The following SPO11 variants were observed in gnomAD, a reference collection of about 807,000 sequenced individuals.
SPO11 encodes the protein meiotic recombination protein SPO11.
SPO11 carries 49 observed loss-of-function variants against 51.6 expected under a neutral mutation model. The ratio of observed to expected loss-of-function variants is 0.95; its 90% CI spans 0.75 to 1.20. SPO11 has a LOEUF of 1.20. Ranked by LOEUF, SPO11 falls within the 50% of genes most tolerant of loss-of-function variation. The pLI is 0.00. For missense variants in SPO11, 431 were observed against 473.4 expected (o/e 0.91, Z 0.83); for synonymous variants, 176 against 158.2 (o/e 1.11, Z -0.84).
chr20:57,339,085 G>A (rs1238951694), intron 10 of SPO11, 59 bp downstream of exon 10: 1 of 1,189,724 alleles, frequency 8.4e-7, no homozygotes, highest in Non-Finnish European at 1.2e-6. Flanking sequence ...ATTCATTGAG[G>A]TGATTTCTGC....
At position 57,331,936 on chromosome 20, in the gene SPO11, G is replaced by C. The variant is rs532271092; in HGVS notation, c.235G>C (p.Glu79Gln). Residue 79 changes from glutamate to glutamine, a missense_variant, in exon 2 of 13, where the codon GAA (glutamate) becomes CAA (glutamine). Physicochemically the swap from Glu to Gln is conservative, Grantham distance 29. Around this residue, in one of 3 missense-constraint regions of SPO11, gnomAD observed 405 missense variants for 425.9 expected, o/e 0.95. Coordinates refer to ENST00000371263, the MANE Select transcript of SPO11 (RefSeq NM_012444.3). The part of the protein sequence containing the change: ...AFTIDNRSSW[E>Q]NIKFEDSVGL... ...CACGATAGACAACAGATCAAGCTGGGAAAACATAAAGTGGGCATTTTGCAT... is the reference window on the plus strand; with the variant it reads ...CACGATAGACAACAGATCAAGCTGGCAAAACATAAAGTGGGCATTTTGCAT... 6.3e-7 allele frequency: 1 copy of C among 1,579,892 alleles called. No individual in the cohort carries two copies. The highest frequency in any genetic ancestry group is 2.3e-5 in the East Asian group (1 of 43,898).
rs775018422 is a variant in SPO11, at chr20:57,335,906, C to T, written c.743C>T (p.Thr248Met). 9.5e-6 allele frequency: 15 copies of T among 1,572,702 alleles called. No individual in the cohort carries two copies. Among genetic ancestry groups the T allele is most frequent in the East Asian group, 6.7e-5 (3 of 44,698 alleles). The change falls in exon 8 of 13, where the codon ACG (threonine) becomes ATG (methionine). Residue 248 changes from threonine to methionine, a missense_variant and splice_region_variant. Thr to Met is a moderately conservative substitution (Grantham distance 81). Transcript: ENST00000371263. ...CNKLSPCIMI[T>M]GKGVPDLNTR... ...AAATTGTCTCCTTGCATCATGATTA[C>T]GGTATATTATCTAACTTTACTACAA...
intron 11 of SPO11, among the ~76,000 whole-genome samples, chr20:57,341,332 G>A (rs1005678890): frequency 3.9e-5 from 6 of 152,108 alleles, no homozygotes; most frequent in African/African-American, 1.4e-4. Context: ...AGAAGAACTG[G>A]TGGGTCAAAG....
intron 6 of SPO11, 72 bp downstream of exon 6, chr20:57,334,908 T>G (rs539674945): frequency 2.2e-5 from 29 of 1,327,320 alleles, no homozygotes; most frequent in African/African-American, 1.9e-4. Flanking sequence ...ATAATTTTAT[T>G]TCTTGCTTTA....
At chr20:57,334,612 A>T in intron 5 of SPO11, 138 bp from the exon 6 acceptor site, 1 of 611,496 alleles carries the variant, frequency 1.6e-6, no homozygotes. Context: ...TAAATCCCTT[A>T]CATATTTTCT....
intron 11 of SPO11, among the ~76,000 whole-genome samples, chr20:57,340,609 C>A (rs1342222985): frequency 6.6e-6 from 1 of 151,956 alleles, no homozygotes; most frequent in East Asian, 1.9e-4. Context: ...ACTAAAAATG[C>A]AAACATTAGC....
intron 10 of SPO11, 147 bp from the exon 11 acceptor site, chr20:57,339,955 T>G: frequency 1.6e-6 from 1 of 619,516 alleles, no homozygotes; most frequent in Non-Finnish European, 2.9e-6. Context: ...TAGCCCCTGA[T>G]GGTTTTCTTA....
intron 11 of SPO11, among the ~76,000 whole-genome samples, chr20:57,340,742 G>A (rs1454602942): frequency 6.6e-6 from 1 of 151,960 alleles, no homozygotes; most frequent in Non-Finnish European, 1.5e-5. Flanking sequence ...ACTCCAGCCT[G>A]GGTGACAGAG....
intron 12 of SPO11, 52 bp from the exon 13 acceptor site, chr20:57,343,289 C>A: frequency 6.3e-7 from 1 of 1,587,402 alleles, no homozygotes; most frequent in Non-Finnish European, 8.5e-7. Context: ...GTTGAATTGA[C>A]AGAAATGCAA....
intron 6 of SPO11, 63 bp downstream of exon 6, chr20:57,334,899 T>C: frequency 1.4e-6 from 2 of 1,384,192 alleles, no homozygotes; most frequent in Non-Finnish European, 1.0e-6. Context: ...TTTTGAAGCA[T>C]AATTTTATTT....
intron 1 of SPO11, 51 bp downstream of exon 1, chr20:57,330,049 G>A (rs2066426344): frequency 6.6e-7 from 1 of 1,513,590 alleles, no homozygotes; most frequent in African/African-American, 1.4e-5. Flanking sequence ...AGAAAAGTCG[G>A]GCGCTCTTCC....
At chr20:57,335,692 ATGT>A (rs755980167) in intron 7 of SPO11, 103 bp from the exon 8 acceptor site, 32 of 741,012 alleles carry the variant, frequency 4.3e-5, no homozygotes, top group Non-Finnish European at 6.3e-5. Flanking sequence ...ACAAACTAAA[ATGT>A]TGTATCTATA....
chr20:57,333,907 T>G, intron 4 of SPO11, 80 bp from the exon 5 acceptor site: 2 of 981,486 alleles, frequency 2.0e-6, no homozygotes, highest in Non-Finnish European at 3.0e-6. Flanking sequence ...AGTTAAAGCT[T>G]TCTTCAATTA....
At chr20:57,335,530 C>T (rs1364102914) in intron 7 of SPO11, 75 bp downstream of exon 7, 5 of 1,446,054 alleles carry the variant, frequency 3.5e-6, no homozygotes, top group Non-Finnish European at 4.8e-6. Context: ...GTAAGCCAAG[C>T]CTTCATAATG....
intron 2 of SPO11, among the ~76,000 whole-genome samples, chr20:57,332,458 C>G (rs979185860): frequency 1.3e-5 from 2 of 152,202 alleles, no homozygotes; most frequent in African/African-American, 4.8e-5. Flanking sequence ...GTAAAATCAG[C>G]AAACAGCTTT....
At chr20:57,341,618 T>C (rs2066582931) in intron 11 of SPO11, among the ~76,000 whole-genome samples, 3 of 152,234 alleles carry the variant, frequency 2.0e-5, no homozygotes, top group Admixed American at 6.5e-5. Flanking sequence ...GATCAGCCAC[T>C]TCCTATAAAA....
At chr20:57,334,299 C>T (rs1427518118) in intron 5 of SPO11, among the ~76,000 whole-genome samples, 5 of 151,890 alleles carry the variant, frequency 3.3e-5, no homozygotes, top group South Asian at 2.1e-4. Flanking sequence ...GGACTACAGG[C>T]GCCTGCCACC....
At position 57,334,134 on chromosome 20, in the gene SPO11, A is replaced by G. The variant is rs560408500; in HGVS notation, c.510+39A>G. On this transcript the variant is annotated intron_variant, in intron 5 of 12. Transcript: ENST00000371263. ...AATACAAAACATTTTATTTTAAAAC[A>G]AAATGTTTGTATAAAACATAATTTT... is the stretch of plus-strand genomic sequence containing the variant. The G allele has an allele frequency of 3.8e-5, 42 of 1,115,976 alleles. No individual in the cohort carries two copies. In the Admixed American group the frequency reaches 1.0e-3, roughly 27 times the overall value. 69.1% of individuals were successfully genotyped at this position (1,115,976 alleles called of 1,614,324 possible).
chr20:57,337,876 TTTATTATTACTA>T (rs2146092855), intron 8 of SPO11: 1 of 617,474 alleles, frequency 1.6e-6, no homozygotes, highest in East Asian at 7.3e-5. Flanking sequence ...TAACCTATAA[TTTATTATTACTA>T]TTATTATTAT....
Sources: gnomAD v4.1 joint callset for allele counts (sites outside exome capture counted in the v4.1 genomes callset) on GRCh38, gnomAD v4.1.1 for gene constraint, gnomAD v4.1.1 regional missense constraint, MANE v1.5 for transcripts, NCBI Gene and HGNC (gene_info 2026-07-23, HGNC 2026-07-21) for gene names.